SOX11: variants seen among roughly 807,000 people sequenced by gnomAD.
SOX11 encodes transcription factor SOX-11.
Under a neutral mutation model 16.7 loss-of-function variants are expected in SOX11, and 5 were observed. The ratio of observed to expected loss-of-function variants is 0.30; its 90% CI spans 0.16 to 0.63. SOX11 has a LOEUF of 0.63. Among genes scored for constraint, SOX11 ranks in the 20% least tolerant of loss-of-function variants. The pLI is 0.82. For synonymous variants in SOX11, 363 were observed against 298.8 expected (o/e 1.21, Z -2.22); for missense variants, 492 against 641.5 (o/e 0.77, Z 2.52).
chr2:5,699,672 A>G lies in SOX11; in HGVS notation c.*5625A>G, dbSNP rs920667570. ...CCACAATAAAGATGAAACAAAATTTATGAAACTGAGCTCTCTTCCATTTTA... is the reference window on the plus strand; with the variant it reads ...CCACAATAAAGATGAAACAAAATTTGTGAAACTGAGCTCTCTTCCATTTTA... On this transcript the variant is annotated 3_prime_UTR_variant, in exon 1 of 1. Coordinates refer to ENST00000322002, the MANE Select transcript of SOX11 (RefSeq NM_003108.4). 6.2e-6 allele frequency: 1 copy of G among 160,252 alleles called. No individual in the cohort carries two copies. Among genetic ancestry groups the G allele is most frequent in the South Asian group, 2.1e-4 (1 of 4,692 alleles). The allele number at this position is 160,252 out of a possible 1,614,324, so 9.9% of individuals were successfully genotyped here.
Position 5,692,435 on chromosome 2 carries a change from G to A in SOX11, c.-287G>A, listed in dbSNP as rs1415643174. Among the ~76,000 whole-genome samples the A allele has an allele frequency of 1.3e-5, 2 of 152,184 alleles. No individual in the cohort carries two copies. The highest frequency in any genetic ancestry group is 2.1e-4 in the South Asian group (1 of 4,824). ...AGCTCGGGGTCCGGCGCTTGCGGTA[G>A]GAGCCACGAGCCGGAGAGAGGGGTC... On this transcript the variant is annotated 5_prime_UTR_variant, in exon 1 of 1. Coordinates refer to ENST00000322002, the MANE Select transcript of SOX11 (RefSeq NM_003108.4).
Position 5,694,154 on chromosome 2 carries a change from T to A in SOX11, c.*107T>A, listed in dbSNP as rs1273891456. ...ATGATAATGATGATGATGATGGTGGTGTTGATGGTGGCGGTGGTAGGGTGG... is the reference window on the plus strand; with the variant it reads ...ATGATAATGATGATGATGATGGTGGAGTTGATGGTGGCGGTGGTAGGGTGG... On this transcript the variant is annotated 3_prime_UTR_variant, in exon 1 of 1. Coordinates refer to ENST00000322002, the MANE Select transcript of SOX11 (RefSeq NM_003108.4). 9.4e-6 allele frequency: 13 copies of A among 1,377,454 alleles called. No homozygotes were observed. The highest frequency in any genetic ancestry group is 1.3e-5 in the Non-Finnish European group (13 of 1,035,444). The allele number at this position is 1,377,454 out of a possible 1,614,324, so 85.3% of individuals were successfully genotyped here.
Position 5,697,356 on chromosome 2 carries a change from A to G in SOX11, c.*3309A>G, listed in dbSNP as rs1006489041. The stretch of plus-strand genomic sequence containing the variant: ...CGAGACCGAATGGAAGCGTCCGCAC[A>G]GTAACTGCAGCTGCTAGGCCAGAGG... On this transcript the variant is annotated 3_prime_UTR_variant, in exon 1 of 1. Transcript: ENST00000322002. The G allele has an allele frequency of 6.0e-6, 1 of 167,084 alleles. No homozygotes were observed. Among genetic ancestry groups the G allele is most frequent in the Non-Finnish European group, 1.5e-5 (1 of 68,188 alleles). 10.4% of individuals were successfully genotyped at this position (167,084 alleles called of 1,614,324 possible).
rs1199500917 is a variant in SOX11 at position 5,697,314 on chromosome 2, T to C, written c.*3267T>C. ...TGATTGACCGAGGTTTGGCCTTCCATTTTTACTGAGATTTGGCGAGACCGA... is the reference window on the plus strand; with the variant it reads ...TGATTGACCGAGGTTTGGCCTTCCACTTTTACTGAGATTTGGCGAGACCGA... On this transcript the variant is annotated 3_prime_UTR_variant, in exon 1 of 1. Coordinates refer to ENST00000322002, the MANE Select transcript of SOX11 (RefSeq NM_003108.4). 1 of 167,056 alleles carries C rather than the reference T, an allele frequency of 6.0e-6. No individual in the cohort carries two copies. Among genetic ancestry groups the C allele is most frequent in the Non-Finnish European group, 1.5e-5 (1 of 68,144 alleles). 10.3% of individuals were successfully genotyped at this position (167,056 alleles called of 1,614,324 possible). A position where few individuals can be genotyped will look rare whatever the true frequency, so the allele number is the denominator to read the frequency against.
rs1417083396 is a variant in SOX11 at position 5,694,406 on chromosome 2, A to G, written c.*359A>G. 3 of 130,422 alleles carry G rather than the reference A, an allele frequency of 2.3e-5. No homozygotes were observed. The highest frequency in any genetic ancestry group is 2.0e-4 in the East Asian group (1 of 4,896). The allele number at this position is 130,422 out of a possible 1,614,324, so 8.1% of individuals were successfully genotyped here. ...CAAAAAATGTGTTTTTGTAATTACT[A>G]TTTCTTTTTCCTGAAATTCGTGATT... On this transcript the variant is annotated 3_prime_UTR_variant, in exon 1 of 1. Coordinates refer to ENST00000322002, the MANE Select transcript of SOX11 (RefSeq NM_003108.4).
Position 5,692,587 on chromosome 2 carries a change from G to A in SOX11, c.-135G>A, listed in dbSNP as rs1166258101. ...GCAGCCTGGAAGGGGGGGCGGGGGGGAGGGGGGGAGCCGCGAAAGCGGGGT... is the reference window on the plus strand; with the variant it reads ...GCAGCCTGGAAGGGGGGGCGGGGGGAAGGGGGGGAGCCGCGAAAGCGGGGT... On this transcript the variant is annotated 5_prime_UTR_variant, in exon 1 of 1. Coordinates refer to ENST00000322002, the MANE Select transcript of SOX11 (RefSeq NM_003108.4). 4.6e-6 allele frequency: 3 copies of A among 648,674 alleles called. No homozygotes were observed. In the East Asian group the frequency reaches 8.6e-5, roughly 19 times the overall value. 40.2% of individuals were successfully genotyped at this position (648,674 alleles called of 1,614,324 possible). A position where few individuals can be genotyped will look rare whatever the true frequency, so the allele number is the denominator to read the frequency against.
rs1242179729 is a variant in SOX11, at chr2:5,698,703, C to T, written c.*4656C>T. The T allele has an allele frequency of 6.0e-6, 1 of 166,922 alleles. No homozygotes were observed. Among genetic ancestry groups the T allele is most frequent in the Non-Finnish European group, 1.5e-5 (1 of 68,096 alleles). 10.3% of individuals were successfully genotyped at this position (166,922 alleles called of 1,614,324 possible). On this transcript the variant is annotated 3_prime_UTR_variant, in exon 1 of 1. Transcript: ENST00000322002. ...AAGAAATCATTACAACTCTTTTGGGCAGAGATGTTTCTTTTTAATGTTAAT... is the reference window on the plus strand; with the variant it reads ...AAGAAATCATTACAACTCTTTTGGGTAGAGATGTTTCTTTTTAATGTTAAT...
chr2:5,693,282 G>T lies in SOX11; in HGVS notation c.561G>T (p.Gln187His). ...GAKAGAGKAA[Q>H]SGDYGGAGDD... Reference sequence around the variant, plus strand: ...AGGCGGGCGCGGGCAAGGCGGCCCAGTCCGGGGACTACGGGGGCGCGGGCG... The same window carrying T: ...AGGCGGGCGCGGGCAAGGCGGCCCATTCCGGGGACTACGGGGGCGCGGGCG... The change falls in exon 1 of 1, where the codon CAG (glutamine) becomes CAT (histidine). Residue 187 changes from glutamine to histidine, a missense_variant. Physicochemically the swap from Gln to His is conservative, Grantham distance 24. Around this residue, in one of 4 missense-constraint regions of SOX11, gnomAD observed 389 missense variants for 389.0 expected, o/e 1.00. Coordinates refer to ENST00000322002, the MANE Select transcript of SOX11 (RefSeq NM_003108.4). This position sits in a 1 kb window ranked among gnomAD's most constrained non-coding sequence, Gnocchi z 8.6. 1 of 1,489,360 alleles carries T rather than the reference G, an allele frequency of 6.7e-7. No individual in the cohort carries two copies. The highest frequency in any genetic ancestry group is 2.6e-5 in the East Asian group (1 of 38,476). 92.3% of individuals were successfully genotyped at this position (1,489,360 alleles called of 1,614,324 possible). A position where few individuals can be genotyped will look rare whatever the true frequency, so the allele number is the denominator to read the frequency against.
Position 5,697,474 on chromosome 2 carries a change from G to A in SOX11, c.*3427G>A, listed in dbSNP as rs1471592033. On this transcript the variant is annotated 3_prime_UTR_variant, in exon 1 of 1. Coordinates refer to ENST00000322002, the MANE Select transcript of SOX11 (RefSeq NM_003108.4). The stretch of plus-strand genomic sequence containing the variant: ...CCCCCGGCCCCCCGACTGAGAACTC[G>A]GGCCTCTCACCCGCCCCCCAGCCTC... 3.6e-5 allele frequency: 3 copies of A among 83,308 alleles called. No homozygotes were observed. The highest frequency in any genetic ancestry group is 1.7e-4 in the Admixed American group (1 of 5,740). The allele number at this position is 83,308 out of a possible 1,614,324, so 5.2% of individuals were successfully genotyped here.
rs78302307 is a variant in SOX11 at position 5,695,584 on chromosome 2, T to G, written c.*1537T>G. 2 of 93,130 alleles carry G rather than the reference T, an allele frequency of 2.1e-5. No individual in the cohort carries two copies. Among genetic ancestry groups the G allele is most frequent in the African/African-American group, 9.7e-5 (2 of 20,614 alleles). 5.8% of individuals were successfully genotyped at this position (93,130 alleles called of 1,614,324 possible). A position where few individuals can be genotyped will look rare whatever the true frequency, so the allele number is the denominator to read the frequency against. ...TTGCCTGTTTTTTTTTTTTTTTTTT[T>G]GTGCTGGAAGTCTGTATCTTGACAA... On this transcript the variant is annotated 3_prime_UTR_variant, in exon 1 of 1. Transcript: ENST00000322002.
chr2:5,693,621 C>A lies in SOX11; in HGVS notation c.900C>A (p.Gly300=), dbSNP rs1352066726. The A allele has an allele frequency of 6.4e-7, 1 of 1,570,398 alleles. No homozygotes were observed. The highest frequency in any genetic ancestry group is 1.8e-5 in the Admixed American group (1 of 55,344). ...GCCTCTACGACGAGGTGCGGGCCGG[C>A]GCGACCTCGGGCGCCGGGGGCGGCA... ...GASLYDEVRA[G]ATSGAGGGSR... is the part of the protein sequence containing the mutation. The change falls in exon 1 of 1, where the codon GGC becomes GGA. Residue 300 remains glycine (G), a synonymous_variant. Transcript: ENST00000322002. This position sits in a 1 kb window ranked among gnomAD's most constrained non-coding sequence, Gnocchi z 8.6.
At position 5,698,040 on chromosome 2, in the gene SOX11, T is replaced by G. The variant is rs1665772658; in HGVS notation, c.*3993T>G. The G allele has an allele frequency of 6.0e-6, 1 of 166,958 alleles. No homozygotes were observed. The highest frequency in any genetic ancestry group is 1.5e-5 in the Non-Finnish European group (1 of 68,122). The allele number at this position is 166,958 out of a possible 1,614,324, so 10.3% of individuals were successfully genotyped here. On this transcript the variant is annotated 3_prime_UTR_variant, in exon 1 of 1. Coordinates refer to ENST00000322002, the MANE Select transcript of SOX11 (RefSeq NM_003108.4). ...AAGAGATAGTCAAGATTTTTTTTTT[T>G]TAAAGCCATGTGGCCTAACTTGATA...
rs762687158 is a variant in SOX11, at chr2:5,693,852, C to T, written c.1131C>T (p.Ser377=). 1.1e-5 allele frequency: 17 copies of T among 1,551,132 alleles called. No homozygotes were observed. The Middle Eastern group carries it at 6.7e-4, about 61-fold the overall frequency. ...LNFSQSAHSA[S]EQQLGGGAAA... ...TCTCTCAAAGCGCGCACAGCGCCAG[C>T]GAGCAGCAGCTGGGGGGCGGCGCGG... Residue 377 remains serine (S), a synonymous_variant, in exon 1 of 1, where the codon AGC becomes AGT. Transcript: ENST00000322002. This position sits in a 1 kb window ranked among gnomAD's most constrained non-coding sequence, Gnocchi z 8.6.
rs777323874 is a variant in SOX11, at chr2:5,692,736, G to C, written c.15G>C (p.Ala5=). 1.3e-6 allele frequency: 2 copies of C among 1,592,388 alleles called. No homozygotes were observed. Among genetic ancestry groups the C allele is most frequent in the Non-Finnish European group, 1.7e-6 (2 of 1,166,834 alleles). Residue 5 remains alanine (A), a synonymous_variant, in exon 1 of 1, where the codon GCG becomes GCC. Transcript: ENST00000322002. MVQQ[A]ESLEAESNLP... ...TGCAGCGGATCATGGTGCAGCAGGC[G>C]GAGAGCTTGGAAGCGGAGAGCAACC... is the stretch of plus-strand genomic sequence containing the variant.
At position 5,693,020 on chromosome 2, in the gene SOX11, G is replaced by A. The variant is rs1064794628; in HGVS notation, c.299G>A (p.Arg100Gln). 3 of 1,614,006 alleles carry A rather than the reference G, an allele frequency of 1.9e-6. No homozygotes were observed. Among genetic ancestry groups the A allele is most frequent in the Non-Finnish European group, 2.5e-6 (3 of 1,180,034 alleles). ...LKDSEKIPFIREAERLRLKHM... is the reference protein window; with the variant it reads ...LKDSEKIPFIQEAERLRLKHM... ...GACAGCGAGAAGATCCCGTTCATCC[G>A]GGAGGCGGAGCGGCTGCGGCTCAAG... Residue 100 changes from arginine to glutamine, a missense_variant, in exon 1 of 1, where the codon CGG (arginine) becomes CAG (glutamine). Coordinates refer to ENST00000322002, the MANE Select transcript of SOX11 (RefSeq NM_003108.4). The surrounding 1 kb of genome is among the most constrained non-coding windows in gnomAD (Gnocchi z 8.6).
In SOX11 at chr2:5,692,784, G is replaced by T. The variant is rs139885563; in HGVS notation, c.63G>T (p.Thr21=). The T allele has an allele frequency of 1.0e-3, 1,605 of 1,612,168 alleles. 2 individuals are homozygous for T. Among genetic ancestry groups the T allele is most frequent in the Non-Finnish European group, 1.3e-3 (1,547 of 1,178,890 alleles). ...ESNLPREALD[T]EEGEFMACSP... is the part of the protein sequence containing the mutation. ...ACCTGCCCCGGGAGGCGCTGGACAC[G>T]GAGGAGGGCGAATTCATGGCTTGCA... is the stretch of plus-strand genomic sequence containing the variant. Residue 21 remains threonine (T), a synonymous_variant, in exon 1 of 1, where the codon ACG becomes ACT. Coordinates refer to ENST00000322002, the MANE Select transcript of SOX11 (RefSeq NM_003108.4).
rs1018924698 is a variant in SOX11, at chr2:5,698,953, G to C, written c.*4906G>C. ...ATTTGAGAAATAAGGCAAATAAGTT[G>C]CTCTATTTTAAAGTAGTCATTCAAT... On this transcript the variant is annotated 3_prime_UTR_variant, in exon 1 of 1. Transcript: ENST00000322002. The C allele has an allele frequency of 1.2e-5, 2 of 166,940 alleles. No individual in the cohort carries two copies. Among genetic ancestry groups the C allele is most frequent in the African/African-American group, 4.8e-5 (2 of 41,420 alleles). 10.3% of individuals were successfully genotyped at this position (166,940 alleles called of 1,614,324 possible).
rs900177583 is a variant in SOX11, at chr2:5,700,979, A to G, written c.*6932A>G. On this transcript the variant is annotated 3_prime_UTR_variant, in exon 1 of 1. Coordinates refer to ENST00000322002, the MANE Select transcript of SOX11 (RefSeq NM_003108.4). ...AGCGCACGGCCTATTGCTGTGAAAC[A>G]GAGAGAAGGTAAAGCTACCTGAGGC... 54 of 166,862 alleles carry G rather than the reference A, an allele frequency of 3.2e-4. 1 individual carries two copies. The Admixed American group carries it at 3.5e-3, about 11-fold the overall frequency. 10.3% of individuals were successfully genotyped at this position (166,862 alleles called of 1,614,324 possible).
rs1188317080 is a variant in SOX11 at position 5,698,382 on chromosome 2, C to A, written c.*4335C>A. On this transcript the variant is annotated 3_prime_UTR_variant, in exon 1 of 1. Coordinates refer to ENST00000322002, the MANE Select transcript of SOX11 (RefSeq NM_003108.4). ...TGGCGGGTGGGTGCTGTGTGCACGG[C>A]AGCCTAGCCAGTGGGGATCCTGCTG... 6.0e-6 allele frequency: 1 copy of A among 167,038 alleles called. No homozygotes were observed. The highest frequency in any genetic ancestry group is 1.5e-5 in the Non-Finnish European group (1 of 68,118). The allele number at this position is 167,038 out of a possible 1,614,324, so 10.3% of individuals were successfully genotyped here.
Sources: gnomAD v4.1 joint callset for allele counts (sites outside exome capture counted in the v4.1 genomes callset) on GRCh38, gnomAD v4.1.1 for gene constraint, gnomAD v4.1.1 regional missense constraint, Gnocchi (gnomAD v3.1) non-coding constraint, MANE v1.5 for transcripts, NCBI Gene and HGNC (gene_info 2026-07-23, HGNC 2026-07-21) for gene names.